Variants in CA5A observed in about 807,000 individuals in gnomAD.
The protein encoded by CA5A is carbonic anhydrase 5A, also known as carbonic anhydrase 5A, mitochondrial.
A neutral mutation model predicts 37.1 loss-of-function variants in CA5A; 28 were observed. The ratio of observed to expected loss-of-function variants is 0.75; its 90% CI spans 0.56 to 1.03. The LOEUF is 1.03. Ranked by LOEUF, CA5A falls within the 50% of genes least tolerant of loss-of-function variation. The pLI is 0.00. For synonymous variants in CA5A, 171 were observed against 158.4 expected (o/e 1.08, Z -0.60); for missense variants, 444 against 399.9 (o/e 1.11, Z -0.94).
chr16:87,923,894 A>C (rs573841505), intron 2 of CA5A: 18 of 984,950 alleles, frequency 1.8e-5, no homozygotes, highest in South Asian at 4.7e-5. Flanking sequence ...ATATTAACCC[A>C]AACAATTAAA....
chr16:87,916,708 G>T (rs2056147905), intron 2 of CA5A, among the ~76,000 whole-genome samples: 1 of 152,152 alleles, frequency 6.6e-6, no homozygotes, highest in South Asian at 2.1e-4. Context: ...TGGGAGCAGG[G>T]GTTTCACTGT....
chr16:87,909,956 A>G (rs1184192834), intron 2 of CA5A, among the ~76,000 whole-genome samples: 4 of 152,252 alleles, frequency 2.6e-5, no homozygotes, highest in Admixed American at 6.5e-5. Flanking sequence ...CACCCCTTCT[A>G]GCCTCAGTTT....
intron 5 of CA5A, among the ~76,000 whole-genome samples, chr16:87,892,777 G>A (rs1241529938): frequency 1.3e-5 from 2 of 149,590 alleles, no homozygotes; most frequent in Non-Finnish European, 3.0e-5. Context: ...AGGTTCAAGC[G>A]ATTCTCCTGC....
At chr16:87,927,792 C>CGTT (rs2056333037) in intron 1 of CA5A, among the ~76,000 whole-genome samples, 1 of 147,206 alleles carries the variant, frequency 6.8e-6, no homozygotes, top group African/African-American at 2.5e-5. Context: ...ACCCAGGAGG[C>CGTT]AGAGGTGGTA....
At chr16:87,920,114 G>A (rs1221263916) in intron 2 of CA5A, among the ~76,000 whole-genome samples, 3 of 152,096 alleles carry the variant, frequency 2.0e-5, no homozygotes, top group Admixed American at 6.5e-5. Flanking sequence ...AAGCATGGAC[G>A]AGGCTGAGCT....
chr16:87,884,848 G>A (rs1044761717), downstream of CA5A: 6 of 152,156 alleles, frequency 3.9e-5, no homozygotes, highest in African/African-American at 1.4e-4. Flanking sequence ...TTGTGTAACT[G>A]ATCAGGTGCA....
rs552138891 is a variant in CA5A at position 87,936,158 on chromosome 16, C to T, written c.142+151G>A. ...CTGTACTCCAGCCTGGGCCACAGAG[C>T]GAGACGCCATCTTAAAAAAAAAAAA... On this transcript the variant is annotated intron_variant, in intron 1 of 6. Transcript: ENST00000649794. The T allele has an allele frequency of 1.4e-4, 78 of 569,790 alleles. 2 individuals carry two copies. In the South Asian group the frequency reaches 1.5e-3, roughly 11 times the overall value. The allele number at this position is 569,790 out of a possible 1,614,324, so 35.3% of individuals were successfully genotyped here.
chr16:87,897,660 C>A (rs747124693), intron 5 of CA5A, among the ~76,000 whole-genome samples: 3 of 152,176 alleles, frequency 2.0e-5, no homozygotes, highest in Non-Finnish European at 4.4e-5. Context: ...TGACTGCATG[C>A]GGGAGGTGGG....
Position 87,895,601 on chromosome 16 carries a change from G to C in CA5A, c.619-3647C>G, listed in dbSNP as rs1356970089. 5.3e-5 allele frequency among the ~76,000 whole-genome samples: 8 copies of C among 152,156 alleles called. No homozygotes were observed. The South Asian group carries it at 1.4e-3, about 28-fold the overall frequency. The stretch of plus-strand genomic sequence containing the variant: ...AAGTAAATAAAAATTGAAGGGTACA[G>C]TTCTATGGTTTTGGGTATATTCACA... On this transcript the variant is annotated intron_variant, in intron 5 of 6. Transcript: ENST00000649794.
At chr16:87,922,477 C>T (rs753331059) in intron 2 of CA5A, among the ~76,000 whole-genome samples, 2 of 152,240 alleles carry the variant, frequency 1.3e-5, no homozygotes, top group South Asian at 2.1e-4. Flanking sequence ...TTCCAAGGCA[C>T]ACATGCTGCC....
Position 87,919,809 on chromosome 16 carries a change from G to C in CA5A, c.340+6939C>G, listed in dbSNP as rs561102115. ...AGAGAGGAAGGCAGGGGGCAGCGGC[G>C]GGTGGGAGATGGCTCATGCTGGCTC... On this transcript the variant is annotated intron_variant, in intron 2 of 6. Coordinates refer to ENST00000649794, the MANE Select transcript of CA5A (RefSeq NM_001739.2). Among the ~76,000 whole-genome samples the C allele has an allele frequency of 2.2e-4, 33 of 152,304 alleles. 1 individual carries two copies. In the South Asian group the frequency reaches 6.6e-3, roughly 31 times the overall value.
At chr16:87,910,631 G>A (rs1051558212) in intron 2 of CA5A, among the ~76,000 whole-genome samples, 7 of 152,048 alleles carry the variant, frequency 4.6e-5, no homozygotes, top group Non-Finnish European at 7.3e-5. Flanking sequence ...AGGCTGGAGC[G>A]CGGTGGGGTG....
chr16:87,916,490 A>G (rs2144023770), intron 2 of CA5A, among the ~76,000 whole-genome samples: 1 of 152,264 alleles, frequency 6.6e-6, no homozygotes, highest in African/African-American at 2.4e-5. Flanking sequence ...TTTTCTGACC[A>G]TGTTGTGTAA....
At chr16:87,933,098 G>C (rs190605814) in intron 1 of CA5A, among the ~76,000 whole-genome samples, 147 of 152,296 alleles carry the variant, frequency 9.7e-4, no homozygotes, top group African/African-American at 3.3e-3. Flanking sequence ...CGGTCAGCCC[G>C]GGGGGAGCCA....
chr16:87,886,931 C>T (rs1055733526), downstream of CA5A: 4 of 152,156 alleles, frequency 2.6e-5, no homozygotes, highest in African/African-American at 9.7e-5. Context: ...GAGATGGAGT[C>T]TCGCTCTGTC....
At chr16:87,923,745 G>A (rs2056262493) in intron 2 of CA5A, 2 of 984,766 alleles carry the variant, frequency 2.0e-6, no homozygotes, top group Non-Finnish European at 2.4e-6. Flanking sequence ...ACGACTTAGA[G>A]GAAACAAATC....
At chr16:87,907,578 G>T (rs1357658946) in intron 2 of CA5A, among the ~76,000 whole-genome samples, 1 of 152,228 alleles carries the variant, frequency 6.6e-6, no homozygotes, top group African/African-American at 2.4e-5. Flanking sequence ...CAGCCTGGTA[G>T]ATGCCATTTG....
chr16:87,907,315 C>T (rs1250948039), intron 2 of CA5A, among the ~76,000 whole-genome samples: 1 of 152,150 alleles, frequency 6.6e-6, no homozygotes, highest in Non-Finnish European at 1.5e-5. Context: ...GAGCTCTGTG[C>T]TCGCTTCTGC....
intron 5 of CA5A, chr16:87,893,163 G>C (rs2055749851): frequency 2.4e-6 from 1 of 416,574 alleles, no homozygotes; most frequent in Non-Finnish European, 4.2e-6. Context: ...TTTTCAGACA[G>C]AGTCTCCAGG....
Sources: allele counts gnomAD v4.1 joint callset (sites outside exome capture counted in the v4.1 genomes callset), GRCh38; gene constraint gnomAD v4.1.1; transcripts MANE v1.5; gene names NCBI Gene and HGNC (gene_info 2026-07-23, HGNC 2026-07-21).